Variants in LAMA5 observed in about 807,000 individuals in gnomAD.
LAMA5 encodes the protein laminin subunit alpha 5.
A neutral mutation model predicts 433.4 loss-of-function variants in LAMA5; 260 were observed. The ratio of observed to expected loss-of-function variants is 0.60; its 90% CI spans 0.54 to 0.66. The LOEUF is 0.66. Ranked by LOEUF, LAMA5 falls within the 30% of genes least tolerant of loss-of-function variation. The pLI, the probability that LAMA5 is intolerant of heterozygous loss-of-function variation, is 0.00. For missense variants in LAMA5, 5,378 were observed against 5,258.5 expected, an observed-to-expected ratio of 1.02 and a Z score of -0.70; for synonymous variants, 2,620 against 2,226.6, an observed-to-expected ratio of 1.18 and a Z score of -4.97.
chr20:62,344,502 T>C (rs957242459), intron 11 of LAMA5, among the ~76,000 whole-genome samples: 3 of 152,070 alleles, frequency 2.0e-5, no homozygotes, highest in Admixed American at 6.6e-5. Flanking sequence ...CTCTGTCACC[T>C]AGGCTGGAGT....
At chr20:62,328,730 C>G (rs1325718814) in intron 34 of LAMA5, 114 bp downstream of exon 34, 20 of 1,099,402 alleles carry the variant, frequency 1.8e-5, no homozygotes, top group African/African-American at 9.6e-5. Flanking sequence ...GGCAGCAATG[C>G]TGCCCTGCCA....
rs1174285101 is a variant in LAMA5 at position 62,318,873 on chromosome 20, C to T, written c.7012G>A (p.Ala2338Thr). 2 of 1,609,514 alleles carry T rather than the reference C, an allele frequency of 1.2e-6. No individual in the cohort carries two copies. Among genetic ancestry groups the T allele is most frequent in the Non-Finnish European group, 1.7e-6 (2 of 1,179,238 alleles). The change falls in exon 52 of 80, where the codon GCT (alanine) becomes ACT (threonine). Residue 2338 changes from alanine to threonine, a missense_variant. Ala to Thr is a moderately conservative substitution (Grantham distance 58). Coordinates refer to ENST00000252999, the MANE Select transcript of LAMA5 (RefSeq NM_005560.6). ...ARDLGAPQAA[A>T]EAELAAAQRL... Reference sequence around the variant, plus strand: ...TGTGCTGCAGCCAACTCAGCCTCAGCTGCTGCCTGCGGGGCCCCCAGGTCC... The same window carrying T: ...TGTGCTGCAGCCAACTCAGCCTCAGTTGCTGCCTGCGGGGCCCCCAGGTCC...
intron 57 of LAMA5, 59 bp from the exon 58 acceptor site, chr20:62,316,117 C>T: frequency 8.5e-7 from 1 of 1,170,086 alleles, no homozygotes; most frequent in Non-Finnish European, 1.2e-6. Flanking sequence ...CAATTGCAGC[C>T]CACCTCCACC....
chr20:62,367,076 C>G lies in LAMA5; in HGVS notation c.170G>C (p.Arg57Pro). The G allele has an allele frequency of 7.9e-7, 1 of 1,260,326 alleles. No homozygotes were observed. The highest frequency in any genetic ancestry group is 9.9e-7 in the Non-Finnish European group (1 of 1,005,400). The allele number at this position is 1,260,326 out of a possible 1,614,324, so 78.1% of individuals were successfully genotyped here. ...TCCGCAGGTCGCGGAGGCGGCGATGCGGGCGCCCTCGGCCAGGTTGAAGTA... is the reference window on the plus strand; with the variant it reads ...TCCGCAGGTCGCGGAGGCGGCGATGGGGGCGCCCTCGGCCAGGTTGAAGTA... ...PPYFNLAEGA[R>P]IAASATCGEE... Residue 57 changes from arginine (R) to proline (P), a missense_variant, in exon 1 of 80, where the codon CGC becomes CCC. Coordinates refer to ENST00000252999, the MANE Select transcript of LAMA5 (RefSeq NM_005560.6).
Position 62,346,054 on chromosome 20 carries a change from G to A in LAMA5, c.1417+27C>T, listed in dbSNP as rs527511396. On this transcript the variant is annotated intron_variant, in intron 10 of 79. Transcript: ENST00000252999. ...CGGAGTCCAGCAGGCAGTGGTGTCTGTTTGGATGCCCCTGGCAGGTGCTCA... is the reference window on the plus strand; with the variant it reads ...CGGAGTCCAGCAGGCAGTGGTGTCTATTTGGATGCCCCTGGCAGGTGCTCA... The A allele has an allele frequency of 2.0e-5, 33 of 1,611,724 alleles. 1 individual carries two copies. The Middle Eastern group carries it at 6.6e-4, about 32-fold the overall frequency.
intron 50 of LAMA5, among the ~76,000 whole-genome samples, chr20:62,320,337 A>AG (rs1284031458): frequency 3.3e-5 from 5 of 151,732 alleles, no homozygotes; most frequent in Non-Finnish European, 7.4e-5. Flanking sequence ...AAAAAAAAAA[A>AG]AAAAAAGACA....
rs770986344 is a variant in LAMA5 at position 62,311,622 on chromosome 20, G to A, written c.9798C>T (p.Phe3266=). 1.7e-5 allele frequency: 28 copies of A among 1,605,432 alleles called. No homozygotes were observed. Among genetic ancestry groups the A allele is most frequent in the Non-Finnish European group, 2.3e-5 (27 of 1,177,182 alleles). The change falls in exon 71 of 80, where the codon TTC becomes TTT. Residue 3266 remains phenylalanine, a synonymous_variant. Transcript: ENST00000252999. ...GCGCCCACCAGGCTCACCGCTGCAC[G>A]AAGACGTTGCTGATGCAGCCACTGA... ...YNFSGCISNV[F]VQRLLGPQRV...
In LAMA5 at chr20:62,319,909, T is replaced by C. The variant is rs532098640; in HGVS notation, c.6760-114A>G. On this transcript the variant is annotated intron_variant, in intron 50 of 79. Coordinates refer to ENST00000252999, the MANE Select transcript of LAMA5 (RefSeq NM_005560.6). Reference sequence around the variant, plus strand: ...GGTCCCAGGGAAGAGGGGCCCCTTATCTATTTAACTCTCTTATCTGATGAC... The same window carrying C: ...GGTCCCAGGGAAGAGGGGCCCCTTACCTATTTAACTCTCTTATCTGATGAC... 201 of 624,714 alleles carry C rather than the reference T, an allele frequency of 3.2e-4. 4 individuals carry two copies. The highest frequency in any genetic ancestry group is 3.0e-3 in the South Asian group (157 of 51,862). 38.7% of individuals were successfully genotyped at this position (624,714 alleles called of 1,614,324 possible).
chr20:62,327,787 G>A lies in LAMA5; in HGVS notation c.4797+79C>T, dbSNP rs1053461346. On this transcript the variant is annotated intron_variant, in intron 36 of 79. Transcript: ENST00000252999. ...CAAAAGCTTCTAGGAAGCCCCAGCT[G>A]CCCCGAAAGGCCCGTAAGGACACTT... 8 of 1,568,818 alleles carry A rather than the reference G, an allele frequency of 5.1e-6. No individual in the cohort carries two copies. The African/African-American group carries it at 6.8e-5, about 13-fold the overall frequency.
chr20:62,356,015 C>G (rs1325987620), intron 2 of LAMA5, among the ~76,000 whole-genome samples: 2 of 152,250 alleles, frequency 1.3e-5, no homozygotes. Context: ...CCTCCTCCCT[C>G]CCCTTCAGCA....
At chr20:62,342,736 G>A (rs552951989) in intron 11 of LAMA5, among the ~76,000 whole-genome samples, 1 of 152,200 alleles carries the variant, frequency 6.6e-6, no homozygotes, top group African/African-American at 2.4e-5. Context: ...AGGACTAAAG[G>A]GTTTTGTAAG....
chr20:62,340,214 G>C (rs1037612691), intron 11 of LAMA5, among the ~76,000 whole-genome samples: 1 of 151,902 alleles, frequency 6.6e-6, no homozygotes, highest in Admixed American at 6.6e-5. Context: ...AGACTGGATG[G>C]AGATACATAG....
rs1980630786 is a variant in LAMA5 at position 62,332,375 on chromosome 20, G to A, written c.3549C>T (p.Phe1183=). 6.2e-7 allele frequency: 1 copy of A among 1,610,106 alleles called. No individual in the cohort carries two copies. The highest frequency in any genetic ancestry group is 1.1e-5 in the South Asian group (1 of 91,024). ...TGGGGACCTGAGGGGTCCTTACCAG[G>A]AAGAAGCGTGCCTGTTCGGCTGTGA... ...VRLTAEQARF[F]LHGVTLVPIE... is the part of the protein sequence containing the mutation. The change falls in exon 28 of 80, where the codon TTC becomes TTT. Residue 1183 remains phenylalanine (F), a synonymous_variant. Coordinates refer to ENST00000252999, the MANE Select transcript of LAMA5 (RefSeq NM_005560.6).
Position 62,320,906 on chromosome 20 carries a change from G to T in LAMA5, c.6497-16C>A. 1.9e-6 allele frequency: 3 copies of T among 1,600,324 alleles called. No individual in the cohort carries two copies. In the African/African-American group the frequency reaches 4.0e-5, roughly 21 times the overall value. ...TGGTCACACACTGCAGGCGATGTGG[G>T]GTCACAGGTCAGTGTCATTGGGTCA... On this transcript the variant is annotated splice_polypyrimidine_tract_variant and intron_variant, in intron 48 of 79. Coordinates refer to ENST00000252999, the MANE Select transcript of LAMA5 (RefSeq NM_005560.6).
At position 62,322,380 on chromosome 20, in the gene LAMA5, A is replaced by C. The variant is rs1417993859; in HGVS notation, c.6235T>G (p.Ser2079Ala). Residue 2079 changes from serine (S) to alanine (A), a missense_variant, in exon 47 of 80, where the codon TCC becomes GCC. Transcript: ENST00000252999. ...PCACGPAAEG[S>A]ECHPQSGQCH... Reference sequence around the variant, plus strand: ...TGTCCGCTCTGGGGGTGGCACTCGGAGCCCTCGGCGGCCGGTCCACAAGCA... The same window carrying C: ...TGTCCGCTCTGGGGGTGGCACTCGGCGCCCTCGGCGGCCGGTCCACAAGCA... 6.3e-7 allele frequency: 1 copy of C among 1,592,078 alleles called. No individual in the cohort carries two copies. Among genetic ancestry groups the C allele is most frequent in the African/African-American group, 1.3e-5 (1 of 74,416 alleles).
chr20:62,327,693 G>T, intron 36 of LAMA5, 24 bp from the exon 37 acceptor site: 1 of 1,606,230 alleles, frequency 6.2e-7, no homozygotes, highest in Non-Finnish European at 8.5e-7. Flanking sequence ...GACAGTGAGA[G>T]TGGTCGGCAG....
chr20:62,313,632 A>T lies in LAMA5; in HGVS notation c.8658+17T>A. ...TGCGGAGCCCCTCCCAGGCTGCCCC[A>T]GGCCGGGCGGGCTCACCGTGAAGGT... On this transcript the variant is annotated intron_variant, in intron 63 of 79. Coordinates refer to ENST00000252999, the MANE Select transcript of LAMA5 (RefSeq NM_005560.6). 1 of 1,611,856 alleles carries T rather than the reference A, an allele frequency of 6.2e-7. No individual in the cohort carries two copies. The highest frequency in any genetic ancestry group is 8.5e-7 in the Non-Finnish European group (1 of 1,179,572).
rs758237037 is a variant in LAMA5 at position 62,328,028 on chromosome 20, G to A, written c.4653-18C>T. On this transcript the variant is annotated intron_variant, in intron 35 of 79. Transcript: ENST00000252999. The stretch of plus-strand genomic sequence containing the variant: ...GTCTGCACCTGTGGCAGGGGCGGGA[G>A]CTGAGCCCCCTCCACCCCAGGTCAC... 17 of 1,610,262 alleles carry A rather than the reference G, an allele frequency of 1.1e-5. No homozygotes were observed. The highest frequency in any genetic ancestry group is 2.7e-5 in the African/African-American group (2 of 74,834).
rs371953116 is a variant in LAMA5 at position 62,352,077 on chromosome 20, G to A, written c.690C>T (p.Ile230=). 2.3e-5 allele frequency: 37 copies of A among 1,611,346 alleles called. No homozygotes were observed. The East Asian group carries it at 3.1e-4, about 14-fold the overall frequency. ...SRIVPLENGE[I]VVSLVNGRPG... ...GACGTCCGTTCACCAGGGACACCAC[G>A]ATCTGTGGGCAGTATGCGGTGACGC... The change falls in exon 5 of 80, where the codon ATC becomes ATT. Residue 230 remains isoleucine, a splice_region_variant and synonymous_variant. Coordinates refer to ENST00000252999, the MANE Select transcript of LAMA5 (RefSeq NM_005560.6).
Sources: allele counts gnomAD v4.1 joint callset (sites outside exome capture counted in the v4.1 genomes callset), GRCh38; gene constraint gnomAD v4.1.1; transcripts MANE v1.5; gene names NCBI Gene and HGNC (gene_info 2026-07-23, HGNC 2026-07-21).